Variants in UGT1A3 observed in about 807,000 individuals in gnomAD.
UGT1A3 encodes UDP glucuronosyltransferase family 1 member A3, also known as UDP-glucuronosyltransferase 1A3.
Under a neutral mutation model 41.0 loss-of-function variants are expected in UGT1A3, and 31 were observed. The observed-to-expected ratio is 0.76, with a 90% CI of 0.57 to 1.02. The LOEUF is 1.02. Among genes scored for constraint, UGT1A3 ranks in the 50% least tolerant of loss-of-function variants. The pLI is 0.00. For missense variants in UGT1A3, 737 were observed against 671.0 expected (o/e 1.10, Z -1.09); for synonymous variants, 262 against 257.6 (o/e 1.02, Z -0.17).
intron 1 of UGT1A3, chr2:233,760,883 C>T (rs550460320): frequency 1.9e-6 from 3 of 1,614,168 alleles, no homozygotes; most frequent in South Asian, 2.2e-5. Context: ...CCTCTCTCCT[C>T]TCATTCAGAT....
intron 1 of UGT1A3, chr2:233,755,107 C>A (rs952341644): frequency 1.5e-6 from 2 of 1,333,188 alleles, no homozygotes; most frequent in Non-Finnish European, 2.0e-6. Context: ...TCCGACAACA[C>A]CTCGTAGGCC....
intron 4 of UGT1A3, chr2:233,770,766 A>G (rs1416026522): frequency 6.6e-6 from 1 of 152,230 alleles, no homozygotes; most frequent in Non-Finnish European, 1.5e-5. Context: ...TTACATTATA[A>G]TAATGTTTCC....
intron 1 of UGT1A3, chr2:233,754,604 C>T (rs1227545131): frequency 6.9e-6 from 3 of 433,838 alleles, no homozygotes; most frequent in Non-Finnish European, 1.4e-5. Context: ...TTTAACTCAA[C>T]TCTCCATCTT....
chr2:233,736,183 A>G (rs2078741283), intron 1 of UGT1A3, among the ~76,000 whole-genome samples: 2 of 152,176 alleles, frequency 1.3e-5, no homozygotes, highest in Non-Finnish European at 2.9e-5. Context: ...ACATAGTCCC[A>G]TATTTCTTCA....
At position 233,773,226 on chromosome 2, in the gene UGT1A3, A is replaced by C. The variant is rs989910459; in HGVS notation, c.*667A>C. 2 of 152,382 alleles carry C rather than the reference A, an allele frequency of 1.3e-5. No homozygotes were observed. Among genetic ancestry groups the C allele is most frequent in the Non-Finnish European group, 2.9e-5 (2 of 68,036 alleles). 9.4% of individuals were successfully genotyped at this position (152,382 alleles called of 1,614,324 possible). ...ATAAAAACCCAAAATACAGCTATGA[A>C]GTGCTGGGCAAGTTTACTTTTTTTC... On this transcript the variant is annotated 3_prime_UTR_variant, in exon 5 of 5. Coordinates refer to ENST00000482026, the MANE Select transcript of UGT1A3 (RefSeq NM_019093.4).
At chr2:233,765,957 T>C (rs1248795427) in intron 1 of UGT1A3, among the ~76,000 whole-genome samples, 3 of 151,920 alleles carry the variant, frequency 2.0e-5, no homozygotes, top group Non-Finnish European at 2.9e-5. Flanking sequence ...TCACCGGCAG[T>C]GTCTAGAGGT....
chr2:233,760,476 C>G (rs191471887), intron 1 of UGT1A3: 1 of 1,614,200 alleles, frequency 6.2e-7, no homozygotes, highest in Non-Finnish European at 8.5e-7. Context: ...TAGCACCTGA[C>G]GCCTCGTTGT....
chr2:233,743,232 T>C, intron 1 of UGT1A3: 1 of 418,014 alleles, frequency 2.4e-6, no homozygotes, highest in Non-Finnish European at 4.7e-6. Context: ...CTATTTATTA[T>C]GAAGGACTTT....
rs1249331325 is a variant in UGT1A3 at position 233,743,910 on chromosome 2, C to T, written c.867+13917C>T. ...GGCACGTCCAGCACCTCGTAGTAGT[C>T]CACCATGCTGGATGGCCAGAACGGC... On this transcript the variant is annotated intron_variant, in intron 1 of 4. Coordinates refer to ENST00000482026, the MANE Select transcript of UGT1A3 (RefSeq NM_019093.4). The T allele has an allele frequency of 1.3e-5, 18 of 1,365,836 alleles. No homozygotes were observed. In the South Asian group the frequency reaches 2.0e-4, roughly 16 times the overall value. The allele number at this position is 1,365,836 out of a possible 1,614,324, so 84.6% of individuals were successfully genotyped here.
chr2:233,772,155 C>T, intron 4 of UGT1A3, 107 bp from the exon 5 acceptor site: 1 of 1,559,740 alleles, frequency 6.4e-7, no homozygotes, highest in Non-Finnish European at 8.7e-7. Context: ...GGTTTCCTTT[C>T]CCAAGTTTGG....
intron 1 of UGT1A3, chr2:233,753,231 A>G (rs1378697040): frequency 1.3e-5 from 2 of 152,142 alleles, no homozygotes; most frequent in African/African-American, 4.8e-5. Flanking sequence ...CTTCTTGTAT[A>G]GTTATTATTT....
chr2:233,763,802 T>C (rs1286063842), intron 1 of UGT1A3, among the ~76,000 whole-genome samples: 2 of 152,186 alleles, frequency 1.3e-5, no homozygotes, highest in Non-Finnish European at 2.9e-5. Context: ...GGAATGAAAC[T>C]CAAGAATTCC....
At chr2:233,770,026 C>T (rs371960443) in intron 4 of UGT1A3, 2 of 158,948 alleles carry the variant, frequency 1.3e-5, no homozygotes, top group South Asian at 1.9e-4. Flanking sequence ...TTTCCCTGCA[C>T]TGTTGAAGCT....
chr2:233,757,382 C>T (rs1017517189), intron 1 of UGT1A3, among the ~76,000 whole-genome samples: 3 of 151,230 alleles, frequency 2.0e-5, no homozygotes, highest in African/African-American at 7.3e-5. Flanking sequence ...AGATTCAGCA[C>T]TTACTTGCTG....
intron 1 of UGT1A3, chr2:233,748,021 T>C: frequency 1.9e-6 from 3 of 1,613,578 alleles, no homozygotes; most frequent in Non-Finnish European, 2.5e-6. Context: ...AGGCCGATCA[T>C]GCCCAACATG....
intron 1 of UGT1A3, chr2:233,753,062 C>G (rs746941166): frequency 3.9e-5 from 6 of 152,186 alleles, no homozygotes; most frequent in African/African-American, 4.8e-5. Flanking sequence ...TGCCTTCCTC[C>G]CACCTCAAAA....
At chr2:233,760,184 G>A in intron 1 of UGT1A3, 1 of 1,553,564 alleles carries the variant, frequency 6.4e-7, no homozygotes, top group Non-Finnish European at 8.7e-7. Flanking sequence ...GCTTTTTATA[G>A]TCACGTGACA....
chr2:233,734,415 TTTC>T (rs2078522932), intron 1 of UGT1A3, among the ~76,000 whole-genome samples: 1 of 152,160 alleles, frequency 6.6e-6, no homozygotes, highest in African/African-American at 2.4e-5. Context: ...TCTTCTCTCT[TTTC>T]TTCTTTATTA....
intron 1 of UGT1A3, among the ~76,000 whole-genome samples, chr2:233,731,698 G>C (rs2078194443): frequency 6.6e-6 from 1 of 152,202 alleles, no homozygotes; most frequent in South Asian, 2.1e-4. Context: ...TGGACATTTG[G>C]ATTGGTTCCA....
Sources: gnomAD v4.1 joint callset for allele counts (sites outside exome capture counted in the v4.1 genomes callset) on GRCh38, gnomAD v4.1.1 for gene constraint, MANE v1.5 for transcripts, NCBI Gene and HGNC (gene_info 2026-07-23, HGNC 2026-07-21) for gene names.